SLC7A7: variants seen among roughly 807,000 people sequenced by gnomAD.
SLC7A7 encodes the protein Y+L amino acid transporter 1.
Under a neutral mutation model 47.9 loss-of-function variants are expected in SLC7A7, and 39 were observed. The observed-to-expected ratio is 0.81, with a 90% CI of 0.63 to 1.06. The LOEUF (loss-of-function observed/expected upper bound fraction) is 1.06, where lower values mean the gene tolerates loss of function less well. SLC7A7 is among the 50% of genes least tolerant of loss of function. The pLI is 0.00. For missense variants in SLC7A7, 588 were observed against 632.0 expected (o/e 0.93, Z 0.75); for synonymous variants, 234 against 242.8 (o/e 0.96, Z 0.34).
intron 2 of SLC7A7, among the ~76,000 whole-genome samples, chr14:22,786,700 G>A (rs760148650): frequency 6.6e-5 from 10 of 152,166 alleles, no homozygotes; most frequent in African/African-American, 2.2e-4. Context: ...TTGGGAGGCC[G>A]AGGTTGGAGG....
At chr14:22,798,933 T>G (rs765784891) in intron 2 of SLC7A7, among the ~76,000 whole-genome samples, 3 of 152,208 alleles carry the variant, frequency 2.0e-5, no homozygotes, top group Non-Finnish European at 2.9e-5. Context: ...ATTAGAACAG[T>G]GTACATATGT....
intron 4 of SLC7A7, among the ~76,000 whole-genome samples, chr14:22,777,590 G>A (rs2038638410): frequency 2.0e-5 from 3 of 152,114 alleles, no homozygotes; most frequent in Non-Finnish European, 4.4e-5. Context: ...AGCACAAAGT[G>A]GGGCAAATAC....
At chr14:22,784,012 T>G (rs1168525082) in intron 2 of SLC7A7, among the ~76,000 whole-genome samples, 1 of 152,148 alleles carries the variant, frequency 6.6e-6, no homozygotes, top group Non-Finnish European at 1.5e-5. Flanking sequence ...GGGCTTTTTG[T>G]CCCCACCTCA....
chr14:22,780,052 C>G lies in SLC7A7; in HGVS notation c.500-1G>C. The G allele has an allele frequency of 6.2e-7, 1 of 1,613,904 alleles. No homozygotes were observed. On this transcript the variant is annotated splice_acceptor_variant, in intron 2 of 9. Transcript: ENST00000674313. LOFTEE classifies it high-confidence loss of function. The stretch of plus-strand genomic sequence containing the variant: ...GCACAGTTAATGAAGGTTAAGAGAC[C>G]TGAAAGAAAAATAATACTGATTGGT...
At chr14:22,801,199 A>C (rs932612883) in intron 2 of SLC7A7, among the ~76,000 whole-genome samples, 1 of 152,046 alleles carries the variant, frequency 6.6e-6, no homozygotes, top group South Asian at 2.1e-4. Flanking sequence ...CCTTGACTCT[A>C]TTTACCTCTG....
chr14:22,798,132 C>T (rs994201119), intron 2 of SLC7A7, among the ~76,000 whole-genome samples: 5 of 151,992 alleles, frequency 3.3e-5, no homozygotes, highest in African/African-American at 1.2e-4. Context: ...CCCATCTCTA[C>T]TAAAAATACA....
chr14:22,789,633 A>G (rs1444324479), intron 2 of SLC7A7, among the ~76,000 whole-genome samples: 1 of 151,386 alleles, frequency 6.6e-6, no homozygotes, highest in African/African-American at 2.4e-5. Flanking sequence ...GGCTCAAAAA[A>G]AAAAAAAAAA....
At chr14:22,778,152 G>A (rs1476075058) in intron 4 of SLC7A7, among the ~76,000 whole-genome samples, 2 of 152,146 alleles carry the variant, frequency 1.3e-5, no homozygotes, top group African/African-American at 4.8e-5. Context: ...TTAGAGCCAG[G>A]AAAGGCCATG....
In SLC7A7 at chr14:22,788,358, C is replaced by T. The variant is rs2038857307; in HGVS notation, c.500-8307G>A. Among the ~76,000 whole-genome samples the T allele has an allele frequency of 2.0e-5, 3 of 151,940 alleles. No individual in the cohort carries two copies. In the South Asian group the frequency reaches 6.2e-4, roughly 32 times the overall value. On this transcript the variant is annotated intron_variant, in intron 2 of 9. Coordinates refer to ENST00000674313, the MANE Select transcript of SLC7A7 (RefSeq NM_003982.4). The stretch of plus-strand genomic sequence containing the variant: ...TTATGTAGAATATTCATAGTTACAC[C>T]CTTGCAGTAGTCAAAAACTAGAAAC...
intron 2 of SLC7A7, 77 bp from the exon 3 acceptor site, chr14:22,780,128 T>G: frequency 6.3e-7 from 1 of 1,592,478 alleles, no homozygotes; most frequent in Non-Finnish European, 8.6e-7. Flanking sequence ...ATTTTTCCAG[T>G]ACCAGTCACC....
chr14:22,792,099 T>C (rs2139420709), intron 2 of SLC7A7, among the ~76,000 whole-genome samples: 1 of 152,176 alleles, frequency 6.6e-6, no homozygotes, highest in Non-Finnish European at 1.5e-5. Context: ...CCTCCCAAAG[T>C]GCTGGGATTA....
chr14:22,788,707 A>G (rs977123386), intron 2 of SLC7A7, among the ~76,000 whole-genome samples: 4 of 115,660 alleles, frequency 3.5e-5, no homozygotes, highest in East Asian at 2.2e-4. Context: ...CTGTCTGGGA[A>G]AAAAAAAAAA....
In SLC7A7 at chr14:22,779,908, A is replaced by G. The variant is rs974421997; in HGVS notation, c.625+18T>C. ...AAATGCTTAAAAAAGATTAGTTGCT[A>G]CTAATATTATTTCTTACCCTGGCCA... On this transcript the variant is annotated intron_variant, in intron 3 of 9. Transcript: ENST00000674313. 5.6e-6 allele frequency: 9 copies of G among 1,613,096 alleles called. No homozygotes were observed. The highest frequency in any genetic ancestry group is 2.2e-5 in the East Asian group (1 of 44,880).
chr14:22,805,640 T>C (rs2039188871), intron 2 of SLC7A7, among the ~76,000 whole-genome samples: 1 of 152,076 alleles, frequency 6.6e-6, no homozygotes, highest in Admixed American at 6.6e-5. Flanking sequence ...AGGGAGGGCA[T>C]CAGGAATCAT....
At chr14:22,782,465 T>TTTATTTA (rs1555321916) in intron 2 of SLC7A7, among the ~76,000 whole-genome samples, 1 of 150,118 alleles carries the variant, frequency 6.7e-6, no homozygotes, top group African/African-American at 2.4e-5. Context: ...TATTTATTTA[T>TTTATTTA]TTTATTTATT....
At chr14:22,793,817 A>G (rs1037068684) in intron 2 of SLC7A7, among the ~76,000 whole-genome samples, 2 of 145,608 alleles carry the variant, frequency 1.4e-5, no homozygotes, top group Non-Finnish European at 3.0e-5. Flanking sequence ...CTCCATCTCG[A>G]AAAAAAAAAA....
chr14:22,779,225 T>G (rs1037042685), intron 3 of SLC7A7, among the ~76,000 whole-genome samples: 2 of 152,182 alleles, frequency 1.3e-5, no homozygotes, highest in African/African-American at 4.8e-5. Flanking sequence ...AGCTGGAGAA[T>G]AGAAACAATG....
intron 4 of SLC7A7, among the ~76,000 whole-genome samples, chr14:22,777,885 C>G (rs557401616): frequency 6.6e-6 from 1 of 152,296 alleles, no homozygotes; most frequent in South Asian, 2.1e-4. Flanking sequence ...ACCAGCCTGG[C>G]CAACATGGTG....
intron 2 of SLC7A7, among the ~76,000 whole-genome samples, chr14:22,794,752 T>C (rs989903041): frequency 1.3e-5 from 2 of 152,166 alleles, no homozygotes; most frequent in African/African-American, 2.4e-5. Flanking sequence ...TCCTCTATCC[T>C]GGCTGCAAAC....
Sources: gnomAD v4.1 joint callset for allele counts (sites outside exome capture counted in the v4.1 genomes callset) on GRCh38, gnomAD v4.1.1 for gene constraint, MANE v1.5 for transcripts, NCBI Gene and HGNC (gene_info 2026-07-23, HGNC 2026-07-21) for gene names.